The following YKT6 variants were observed in gnomAD, a reference collection of about 807,000 sequenced individuals.
The protein encoded by YKT6 is YKT6 vesicular SNARE protein, also known as synaptobrevin homolog YKT6.
In YKT6, 12 loss-of-function variants were observed where a neutral mutation model predicts 29.3. The observed-to-expected ratio is 0.41, with a 90% CI of 0.26 to 0.66. YKT6 has a LOEUF of 0.66. Ranked by LOEUF, YKT6 falls within the 30% of genes least tolerant of loss-of-function variation. The pLI, the probability that YKT6 is intolerant of heterozygous loss-of-function variation, is 0.32. For synonymous variants in YKT6, 86 were observed against 94.3 expected (o/e 0.91, Z 0.51); for missense variants, 188 against 243.8 (o/e 0.77, Z 1.52).
In YKT6 at chr7:44,214,282, T is replaced by A. The variant is rs2128841719; in HGVS notation, c.*2000T>A. 1 of 152,322 alleles carries A rather than the reference T, an allele frequency of 6.6e-6. No individual in the cohort carries two copies. Among genetic ancestry groups the A allele is most frequent in the South Asian group, 2.1e-4 (1 of 4,834 alleles). 9.4% of individuals were successfully genotyped at this position (152,322 alleles called of 1,614,324 possible). A position where few individuals can be genotyped will look rare whatever the true frequency, so the allele number is the denominator to read the frequency against. ...AGAGGCGCCTGTCTGGATAAAGTTGTCTTGAAATTTCACAGTGGTCCTGTG... is the reference window on the plus strand; with the variant it reads ...AGAGGCGCCTGTCTGGATAAAGTTGACTTGAAATTTCACAGTGGTCCTGTG... On this transcript the variant is annotated 3_prime_UTR_variant, in exon 7 of 7. Transcript: ENST00000223369.
chr7:44,212,997 G>T lies in YKT6; in HGVS notation c.*715G>T, dbSNP rs531867853. 6.6e-6 allele frequency: 1 copy of T among 152,290 alleles called. No homozygotes were observed. Among genetic ancestry groups the T allele is most frequent in the South Asian group, 2.1e-4 (1 of 4,838 alleles). The allele number at this position is 152,290 out of a possible 1,614,324, so 9.4% of individuals were successfully genotyped here. A position where few individuals can be genotyped will look rare whatever the true frequency, so the allele number is the denominator to read the frequency against. ...GAGCTGCATTGTGGGCGGGGAGTGT[G>T]TGGGTTGGGTTCGTACCAGCAAGTA... On this transcript the variant is annotated 3_prime_UTR_variant, in exon 7 of 7. Coordinates refer to ENST00000223369, the MANE Select transcript of YKT6 (RefSeq NM_006555.4).
chr7:44,206,601 T>G (rs2096341150), intron 3 of YKT6, 116 bp downstream of exon 3: 1 of 971,326 alleles, frequency 1.0e-6, no homozygotes, highest in Admixed American at 2.0e-5. Context: ...GTGTCCAAAG[T>G]CAACACATTT....
Position 44,204,782 on chromosome 7 carries a change from C to T in YKT6, c.187+132C>T, listed in dbSNP as rs1304028036. The T allele has an allele frequency of 1.0e-5, 8 of 770,690 alleles. 1 individual carries two copies. The highest frequency in any genetic ancestry group is 3.6e-5 in the South Asian group (2 of 55,488). 47.7% of individuals were successfully genotyped at this position (770,690 alleles called of 1,614,324 possible). The stretch of plus-strand genomic sequence containing the variant: ...GCTTGTTCTCTCTTTCCCACCTCTT[C>T]CTTTTCCTATTTATGCAGAATTCTG... On this transcript the variant is annotated intron_variant, in intron 2 of 6. Coordinates refer to ENST00000223369, the MANE Select transcript of YKT6 (RefSeq NM_006555.4).
chr7:44,209,938 G>A (rs1159372879), intron 5 of YKT6, among the ~76,000 whole-genome samples: 1 of 152,246 alleles, frequency 6.6e-6, no homozygotes, highest in Non-Finnish European at 1.5e-5. Context: ...TTTGGGGCAT[G>A]TGTGTAACTT....
intron 1 of YKT6, among the ~76,000 whole-genome samples, chr7:44,203,488 T>C (rs2096337949): frequency 6.6e-6 from 1 of 152,260 alleles, no homozygotes. Flanking sequence ...CCAGCTTTTT[T>C]GGTCTTTGTA....
At chr7:44,205,362 A>G (rs1027919566) in intron 2 of YKT6, among the ~76,000 whole-genome samples, 28 of 152,216 alleles carry the variant, frequency 1.8e-4, no homozygotes, top group African/African-American at 6.8e-4. Flanking sequence ...CTTAAAGACA[A>G]TTCCTCCACT....
At chr7:44,204,700 C>A in intron 2 of YKT6, 50 bp downstream of exon 2, 1 of 1,582,206 alleles carries the variant, frequency 6.3e-7, no homozygotes, top group Non-Finnish European at 8.7e-7. Flanking sequence ...GCTGCCATGC[C>A]TCACCTCACA....
chr7:44,208,044 G>T (rs2096342827), intron 4 of YKT6, 89 bp from the exon 5 acceptor site: 2 of 1,417,034 alleles, frequency 1.4e-6, no homozygotes, highest in South Asian at 2.4e-5. Context: ...TTTTTAACCT[G>T]TGAAAGTTTG....
At position 44,208,127 on chromosome 7, in the gene YKT6, T is replaced by C; in HGVS notation, c.394-6T>C. 1 of 1,613,918 alleles carries C rather than the reference T, an allele frequency of 6.2e-7. No individual in the cohort carries two copies. The highest frequency in any genetic ancestry group is 8.5e-7 in the Non-Finnish European group (1 of 1,179,910). ...CCTGACTTTATTATTTTTCACTCTT[T>C]CCTAGAACCCACGAGAAGCTGATCC... On this transcript the variant is annotated splice_polypyrimidine_tract_variant and splice_region_variant and intron_variant, in intron 4 of 6. Coordinates refer to ENST00000223369, the MANE Select transcript of YKT6 (RefSeq NM_006555.4).
chr7:44,201,047 C>T lies in YKT6; in HGVS notation c.-89C>T, dbSNP rs1256289534. On this transcript the variant is annotated 5_prime_UTR_variant, in exon 1 of 7. Coordinates refer to ENST00000223369, the MANE Select transcript of YKT6 (RefSeq NM_006555.4). ...AGCCGGCTGCTGAGAGGCCGGTAGG[C>T]GGCGGCGGTCCCGAGGGGCGGCGGC... is the stretch of plus-strand genomic sequence containing the variant. 3.5e-6 allele frequency: 4 copies of T among 1,128,434 alleles called. No homozygotes were observed. The highest frequency in any genetic ancestry group is 4.9e-6 in the Non-Finnish European group (4 of 823,300). The allele number at this position is 1,128,434 out of a possible 1,614,324, so 69.9% of individuals were successfully genotyped here.
intron 1 of YKT6, 101 bp downstream of exon 1, chr7:44,201,340 G>T (rs1214391255): frequency 2.2e-6 from 2 of 910,850 alleles, no homozygotes; most frequent in South Asian, 1.7e-5. Flanking sequence ...GATGAGGGGA[G>T]GGTGGAGGAG....
intron 6 of YKT6, chr7:44,211,523 G>A: frequency 9.9e-7 from 1 of 1,013,310 alleles, no homozygotes; most frequent in South Asian, 4.1e-5. Flanking sequence ...TTCCTGAAGA[G>A]GTTCTTAAGC....
chr7:44,207,666 A>G (rs1395187272), intron 4 of YKT6, among the ~76,000 whole-genome samples, 174 bp downstream of exon 4: 1 of 151,926 alleles, frequency 6.6e-6, no homozygotes, highest in East Asian at 1.9e-4. Flanking sequence ...AGACCGGGGA[A>G]CCCAAGCTCT....
At chr7:44,207,352 C>G in intron 3 of YKT6, 36 bp from the exon 4 acceptor site, 2 of 1,590,844 alleles carry the variant, frequency 1.3e-6, no homozygotes, top group Non-Finnish European at 1.7e-6. Flanking sequence ...GGTGAGTGCA[C>G]AGTGGGAGGC....
At chr7:44,208,360 G>C in intron 5 of YKT6, 162 bp downstream of exon 5, 1 of 715,988 alleles carries the variant, frequency 1.4e-6, no homozygotes, top group Non-Finnish European at 2.4e-6. Flanking sequence ...GCATCAGACT[G>C]TCTTTCCTAT....
At chr7:44,204,756 A>G in intron 2 of YKT6, 106 bp downstream of exon 2, 1 of 997,874 alleles carries the variant, frequency 1.0e-6, no homozygotes. Context: ...CTCCTCCTCT[A>G]GCTTGTTCTC....
chr7:44,208,279 C>T (rs980477235), intron 5 of YKT6, 81 bp downstream of exon 5: 2 of 1,482,780 alleles, frequency 1.3e-6, no homozygotes, highest in African/African-American at 2.8e-5. Flanking sequence ...CAGATCCATC[C>T]TCGTTTTAAT....
chr7:44,205,670 A>G lies in YKT6; in HGVS notation c.188-715A>G, dbSNP rs910420268. Among the ~76,000 whole-genome samples the G allele has an allele frequency of 6.6e-5, 10 of 152,212 alleles. No individual in the cohort carries two copies. The South Asian group carries it at 2.1e-3, about 32-fold the overall frequency. Reference sequence around the variant, plus strand: ...CTTACATTTCTCTTTCCTTGGGGATATGGTTAGCTGTATCAACTCTGAATC... The same window carrying G: ...CTTACATTTCTCTTTCCTTGGGGATGTGGTTAGCTGTATCAACTCTGAATC... On this transcript the variant is annotated intron_variant, in intron 2 of 6. Transcript: ENST00000223369.
At chr7:44,204,213 T>C (rs1201441788) in intron 1 of YKT6, among the ~76,000 whole-genome samples, 1 of 152,232 alleles carries the variant, frequency 6.6e-6, no homozygotes. Flanking sequence ...AATGTCCTGC[T>C]TCTTGGAAGT....
Sources: gnomAD v4.1 joint callset for allele counts (sites outside exome capture counted in the v4.1 genomes callset) on GRCh38, gnomAD v4.1.1 for gene constraint, MANE v1.5 for transcripts, NCBI Gene and HGNC (gene_info 2026-07-23, HGNC 2026-07-21) for gene names.